Variants in PCSK6 observed in about 807,000 individuals in gnomAD.
PCSK6 encodes the protein proprotein convertase subtilisin/kexin type 6, also known as paired basic amino acid cleaving enzyme 4.
A neutral mutation model predicts 123.3 loss-of-function variants in PCSK6; 85 were observed. The ratio of observed to expected loss-of-function variants is 0.69; its 90% CI spans 0.58 to 0.83. PCSK6 has a LOEUF of 0.83. PCSK6 is among the 40% of genes least tolerant of loss of function. The probability of loss-of-function intolerance (pLI) is 0.00; values close to 1 mark genes in which losing one functional copy is unlikely to be tolerated. For missense variants in PCSK6, 1,191 were observed against 1,282.3 expected (o/e 0.93, Z 1.09); for synonymous variants, 508 against 516.0 (o/e 0.98, Z 0.21).
At chr15:101,453,255 G>A (rs2057081564) in intron 1 of PCSK6, among the ~76,000 whole-genome samples, 1 of 152,224 alleles carries the variant, frequency 6.6e-6, no homozygotes, top group South Asian at 2.1e-4. Flanking sequence ...TGACCTCTGG[G>A]GTAGGGAGGC....
At chr15:101,466,839 G>T (rs2057472318) in intron 1 of PCSK6, among the ~76,000 whole-genome samples, 2 of 152,128 alleles carry the variant, frequency 1.3e-5, no homozygotes, top group African/African-American at 4.8e-5. Context: ...GCTGCTTAGG[G>T]TTAAGGGAGT....
intron 11 of PCSK6, among the ~76,000 whole-genome samples, chr15:101,374,030 G>A (rs972579991): frequency 6.6e-6 from 1 of 152,188 alleles, no homozygotes; most frequent in Admixed American, 6.5e-5. Flanking sequence ...AAATGATCCC[G>A]CAAAACCTGC....
chr15:101,408,773 A>G (rs1364931344), intron 6 of PCSK6, among the ~76,000 whole-genome samples: 2 of 152,250 alleles, frequency 1.3e-5, no homozygotes, highest in African/African-American at 4.8e-5. Context: ...TCACAGGCCT[A>G]AACTGCTTAA....
intron 6 of PCSK6, among the ~76,000 whole-genome samples, chr15:101,408,139 C>T (rs888976027): frequency 4.6e-5 from 7 of 152,200 alleles, no homozygotes; most frequent in African/African-American, 1.7e-4. Context: ...AGCACCCGTA[C>T]ATCTGCACCA....
intron 6 of PCSK6, among the ~76,000 whole-genome samples, chr15:101,409,146 T>C (rs942769420): frequency 1.2e-4 from 18 of 152,310 alleles, no homozygotes; most frequent in Admixed American, 3.3e-4. Context: ...TCCTGCCCTG[T>C]GGACTGGCGA....
intron 6 of PCSK6, among the ~76,000 whole-genome samples, chr15:101,414,683 A>C (rs374050186): frequency 3.3e-5 from 5 of 152,226 alleles, no homozygotes; most frequent in African/African-American, 1.2e-4. Context: ...TTAGAATGAA[A>C]GAAAAGAGAA....
At chr15:101,457,384 G>C (rs1440475068) in intron 1 of PCSK6, among the ~76,000 whole-genome samples, 3 of 152,124 alleles carry the variant, frequency 2.0e-5, no homozygotes, top group African/African-American at 4.8e-5. Flanking sequence ...GGTTTCTAGG[G>C]GGATAAATGA....
intron 5 of PCSK6, 97 bp downstream of exon 5, chr15:101,429,890 G>T: frequency 9.4e-7 from 1 of 1,068,168 alleles, no homozygotes; most frequent in African/African-American, 1.6e-5. Flanking sequence ...AAGATACGCC[G>T]GCAGCCACCG....
At chr15:101,411,154 T>TAGC (rs1223235646) in intron 6 of PCSK6, among the ~76,000 whole-genome samples, 4 of 152,130 alleles carry the variant, frequency 2.6e-5, no homozygotes, top group Non-Finnish European at 5.9e-5. Flanking sequence ...GGGCATCAGG[T>TAGC]AGCAGCAGGA....
chr15:101,410,729 G>A (rs2042922038), intron 6 of PCSK6, among the ~76,000 whole-genome samples: 1 of 152,222 alleles, frequency 6.6e-6, no homozygotes, highest in Admixed American at 6.5e-5. Flanking sequence ...AGAAGGCTAT[G>A]ATTGCAAAGG....
At chr15:101,361,607 A>G (rs1004175478) in intron 13 of PCSK6, among the ~76,000 whole-genome samples, 1 of 152,112 alleles carries the variant, frequency 6.6e-6, no homozygotes, top group Non-Finnish European at 1.5e-5. Context: ...GTCAATGATG[A>G]GGCGCAGGAA....
intron 1 of PCSK6, among the ~76,000 whole-genome samples, chr15:101,444,964 AC>A (rs1181475112): frequency 3.3e-5 from 5 of 152,292 alleles, no homozygotes; most frequent in African/African-American, 7.2e-5. Flanking sequence ...CTTTCCGGCA[AC>A]CCTGGCAGCC....
At chr15:101,409,501 C>T (rs536418603) in intron 6 of PCSK6, among the ~76,000 whole-genome samples, 153 of 150,328 alleles carry the variant, frequency 1.0e-3, no homozygotes, top group Non-Finnish European at 1.6e-3. Flanking sequence ...AGGAGAATGG[C>T]GTGAACCCGG....
At chr15:101,481,526 G>C (rs1039688863) in intron 1 of PCSK6, among the ~76,000 whole-genome samples, 2 of 152,280 alleles carry the variant, frequency 1.3e-5, no homozygotes, top group South Asian at 2.1e-4. Flanking sequence ...GCCAGGGCTC[G>C]AGGCGGTGGG....
At chr15:101,374,559 A>T (rs1398185028) in intron 11 of PCSK6, among the ~76,000 whole-genome samples, 1 of 152,170 alleles carries the variant, frequency 6.6e-6, no homozygotes, top group Non-Finnish European at 1.5e-5. Context: ...TTCTAGGGCC[A>T]TGTTGAGAGA....
chr15:101,378,898 T>A (rs903555), intron 11 of PCSK6, among the ~76,000 whole-genome samples: 1 of 152,254 alleles, frequency 6.6e-6, no homozygotes, highest in Non-Finnish European at 1.5e-5. Context: ...AAGGGGACTG[T>A]GTCTGGTGGG....
At chr15:101,389,428 T>A (rs1596274656) in intron 9 of PCSK6, 36 bp downstream of exon 9, 1 of 9,238 alleles carries the variant, frequency 1.1e-4, no homozygotes, top group Non-Finnish European at 2.3e-4. Context: ...AATCTAAACA[T>A]TTTTTTTTTT....
At chr15:101,346,907 A>G (rs2040746092) in intron 13 of PCSK6, 1 of 1,231,624 alleles carries the variant, frequency 8.1e-7, no homozygotes, top group African/African-American at 1.6e-5. Flanking sequence ...GTGGGGATAC[A>G]TACTTCTTTT....
intron 1 of PCSK6, among the ~76,000 whole-genome samples, chr15:101,449,289 T>C (rs187901644): frequency 1.3e-5 from 2 of 152,302 alleles, no homozygotes; most frequent in African/African-American, 4.8e-5. Flanking sequence ...TAAGGAAAAA[T>C]GACAAGAAAA....
Sources: allele counts gnomAD v4.1 joint callset (sites outside exome capture counted in the v4.1 genomes callset), GRCh38; gene constraint gnomAD v4.1.1; transcripts MANE v1.5; gene names NCBI Gene and HGNC (gene_info 2026-07-23, HGNC 2026-07-21).